The following ZNF20 variants were observed in gnomAD, a reference collection of about 807,000 sequenced individuals.
ZNF20 encodes zinc finger protein 20.
In ZNF20, 9 loss-of-function variants were observed where a neutral mutation model predicts 11.0. The observed-to-expected ratio is 0.82, with a 90% CI of 0.49 to 1.43. The LOEUF is 1.43. Among genes scored for constraint, ZNF20 ranks in the 40% most tolerant of loss-of-function variants. ZNF20 has a pLI of 0.00. For synonymous variants in ZNF20, 182 were observed against 213.0 expected (o/e 0.85, Z 1.27); for missense variants, 528 against 640.8 (o/e 0.82, Z 1.90).
Position 12,135,822 on chromosome 19 carries a change from T to C in ZNF20, c.86A>G (p.Lys29Arg), listed in dbSNP as rs1248566055. The change falls in exon 2 of 4, where the codon AAG becomes AGG. Residue 29 changes from lysine (K) to arginine (R), a missense_variant. Transcript: ENST00000334213. The stretch of plus-strand genomic sequence containing the variant: ...CTGCATCACATCCCTGTAGAGATTC[T>C]TCTGGGAAGGATCCAGCAAAGCCCA... ...EEWALLDPSQKNLYRDVMQET... is the reference protein window; with the variant it reads ...EEWALLDPSQRNLYRDVMQET... 1.2e-6 allele frequency: 2 copies of C among 1,614,158 alleles called. No homozygotes were observed. The highest frequency in any genetic ancestry group is 1.7e-5 in the Admixed American group (1 of 60,006).
rs1455302096 is a variant in ZNF20, at chr19:12,133,172, G to A, written c.1014C>T (p.Pro338=). ...KHGRTHTGEK[P]YECRQCGKAF... is the part of the protein sequence containing the mutation. ...CTTTACCACATTGCCTACATTCATA[G>A]GGTTTCTCTCCAGTGTGAGTCCTTC... The change falls in exon 4 of 4, where the codon CCC becomes CCT. Residue 338 remains proline, a synonymous_variant. Coordinates refer to ENST00000334213, the MANE Select transcript of ZNF20 (RefSeq NM_021143.4). 6.2e-7 allele frequency: 1 copy of A among 1,613,660 alleles called. No individual in the cohort carries two copies. Among genetic ancestry groups the A allele is most frequent in the Non-Finnish European group, 8.5e-7 (1 of 1,179,712 alleles).
rs1405429807 is a variant in ZNF20 at position 12,135,548 on chromosome 19, T to C, written c.152A>G (p.Lys51Arg). Residue 51 changes from lysine (K) to arginine (R), a missense_variant, in exon 3 of 4, where the codon AAA (lysine) becomes AGA (arginine). Physicochemically the swap from Lys to Arg is conservative, Grantham distance 26. Coordinates refer to ENST00000334213, the MANE Select transcript of ZNF20 (RefSeq NM_021143.4). ...GTACTCATCTTCAATGTTCTGAACT[T>C]TCCATGTTTTTCCTAAAACACAGAC... Reference protein sequence around the residue: ...KNLTSVGKTWKVQNIEDEYKN... With the variant: ...KNLTSVGKTWRVQNIEDEYKN... 1.1e-5 allele frequency: 18 copies of C among 1,612,974 alleles called. No homozygotes were observed. Among genetic ancestry groups the C allele is most frequent in the Non-Finnish European group, 1.5e-5 (18 of 1,179,710 alleles).
chr19:12,132,350 A>G lies in ZNF20; in HGVS notation c.*237T>C. 2.1e-6 allele frequency: 1 copy of G among 486,386 alleles called. No individual in the cohort carries two copies. 30.1% of individuals were successfully genotyped at this position (486,386 alleles called of 1,614,324 possible). A position where few individuals can be genotyped will look rare whatever the true frequency, so the allele number is the denominator to read the frequency against. ...CCTCTCTCCCTGTGTGGGGCCTCTA[A>G]TATGTGACTGATGCCTTCCTTTTCT... On this transcript the variant is annotated 3_prime_UTR_variant, in exon 4 of 4. Coordinates refer to ENST00000334213, the MANE Select transcript of ZNF20 (RefSeq NM_021143.4).
rs1257273591 is a variant in ZNF20 at position 12,131,528 on chromosome 19, T to C, written c.*1059A>G. 1 of 152,160 alleles carries C rather than the reference T, an allele frequency of 6.6e-6. No homozygotes were observed. Among genetic ancestry groups the C allele is most frequent in the Non-Finnish European group, 1.5e-5 (1 of 68,024 alleles). The allele number at this position is 152,160 out of a possible 1,614,324, so 9.4% of individuals were successfully genotyped here. A position where few individuals can be genotyped will look rare whatever the true frequency, so the allele number is the denominator to read the frequency against. On this transcript the variant is annotated 3_prime_UTR_variant, in exon 4 of 4. Transcript: ENST00000334213. ...TAAGAACATGAGATCACCTTTGGTA[T>C]TTAGAATAGATGAAAATTCATGATC...
In ZNF20 at chr19:12,133,588, T is replaced by C; in HGVS notation, c.598A>G (p.Lys200Glu). The C allele has an allele frequency of 1.2e-6, 2 of 1,614,168 alleles. No individual in the cohort carries two copies. The highest frequency in any genetic ancestry group is 1.7e-6 in the Non-Finnish European group (2 of 1,180,030). ...RVMHSGDGPYKCKFCGKAFYF... is the reference protein window; with the variant it reads ...RVMHSGDGPYECKFCGKAFYF... ...AAGGCTTTCCCACAAAACTTACATT[T>C]ATAAGGTCCATCTCCACTGTGCATT... is the stretch of plus-strand genomic sequence containing the variant. The change falls in exon 4 of 4, where the codon AAA (lysine) becomes GAA (glutamate). Residue 200 changes from lysine to glutamate, a missense_variant. Coordinates refer to ENST00000334213, the MANE Select transcript of ZNF20 (RefSeq NM_021143.4).
In ZNF20 at chr19:12,140,317, G is replaced by C; in HGVS notation, c.-135C>G. 1 of 1,128,240 alleles carries C rather than the reference G, an allele frequency of 8.9e-7. No homozygotes were observed. Among genetic ancestry groups the C allele is most frequent in the South Asian group, 1.3e-5 (1 of 75,678 alleles). The allele number at this position is 1,128,240 out of a possible 1,614,324, so 69.9% of individuals were successfully genotyped here. A position where few individuals can be genotyped will look rare whatever the true frequency, so the allele number is the denominator to read the frequency against. ...CTCGGAGTAGGAAATCTGGTATCCC[G>C]ACAACAACCTGCATAGCAACAAAAG... On this transcript the variant is annotated 5_prime_UTR_variant, in exon 1 of 4. Coordinates refer to ENST00000334213, the MANE Select transcript of ZNF20 (RefSeq NM_021143.4).
Position 12,132,903 on chromosome 19 carries a change from C to T in ZNF20, c.1283G>A (p.Cys428Tyr). Residue 428 changes from cysteine (C) to tyrosine (Y), a missense_variant, in exon 4 of 4, where the codon TGT (cysteine) becomes TAT (tyrosine). By Grantham distance (194) the Cys-to-Tyr change is radical. Transcript: ENST00000334213. ...TGEKPHECKQ[C>Y]GKAFRYFSSL... is the part of the protein sequence containing the mutation. ...AGAGAAATACCTGAATGCTTTTCCA[C>T]ATTGCTTACATTCATGGGGCTTCTC... The T allele has an allele frequency of 6.2e-7, 1 of 1,614,176 alleles. No homozygotes were observed. The highest frequency in any genetic ancestry group is 8.5e-7 in the Non-Finnish European group (1 of 1,180,018).
rs1367717034 is a variant in ZNF20, at chr19:12,133,449, T to C, written c.737A>G (p.Glu246Gly). Residue 246 changes from glutamate (E) to glycine (G), a missense_variant, in exon 4 of 4, where the codon GAA (glutamate) becomes GGA (glycine). Coordinates refer to ENST00000334213, the MANE Select transcript of ZNF20 (RefSeq NM_021143.4). ...FTRSTTLPVH[E>G]RTHTGVNADE... ...GGCATTCACTCCTGTGTGAGTTCTT[T>C]CATGTACTGGAAGGGTAGTGGAACG... 1.2e-6 allele frequency: 2 copies of C among 1,613,992 alleles called. No individual in the cohort carries two copies. The highest frequency in any genetic ancestry group is 1.3e-5 in the African/African-American group (1 of 74,944).
At chr19:12,138,600 T>G (rs1976750029) in intron 1 of ZNF20, among the ~76,000 whole-genome samples, 1 of 152,158 alleles carries the variant, frequency 6.6e-6, no homozygotes, top group Non-Finnish European at 1.5e-5. Flanking sequence ...AACACAAATA[T>G]TTTAAAAAAA....
chr19:12,133,125 A>T lies in ZNF20; in HGVS notation c.1061T>A (p.Leu354His), dbSNP rs778738258. The change falls in exon 4 of 4, where the codon CTT becomes CAT. Residue 354 changes from leucine to histidine, a missense_variant. Coordinates refer to ENST00000334213, the MANE Select transcript of ZNF20 (RefSeq NM_021143.4). ...AGTGTGTGTCTTTTCATGCCTTTGA[A>T]GGTCCGAGGTACATCTGAAGGCTTT... ...CGKAFRCTSD[L>H]QRHEKTHTED... 37 of 1,613,532 alleles carry T rather than the reference A, an allele frequency of 2.3e-5. No homozygotes were observed. The highest frequency in any genetic ancestry group is 2.0e-4 in the African/African-American group (15 of 74,716).
chr19:12,135,650 G>A, intron 2 of ZNF20, 90 bp from the exon 3 acceptor site: 1 of 1,583,932 alleles, frequency 6.3e-7, no homozygotes, highest in Non-Finnish European at 8.6e-7. Context: ...GTACATGGTA[G>A]CCATGCCTGA....
At position 12,133,396 on chromosome 19, in the gene ZNF20, A is replaced by G. The variant is rs1306573031; in HGVS notation, c.790T>C (p.Phe264Leu). The change falls in exon 4 of 4, where the codon TTC becomes CTC. Residue 264 changes from phenylalanine (F) to leucine (L), a missense_variant. Coordinates refer to ENST00000334213, the MANE Select transcript of ZNF20 (RefSeq NM_021143.4). ...ADECKECGNA[F>L]SFPSEIRRHK... ...CTACGAATTTCACTAGGAAAACTGA[A>G]TGCATTCCCACATTCTTTACATTCA... is the stretch of plus-strand genomic sequence containing the variant. 3 of 1,614,182 alleles carry G rather than the reference A, an allele frequency of 1.9e-6. No individual in the cohort carries two copies. The highest frequency in any genetic ancestry group is 2.5e-6 in the Non-Finnish European group (3 of 1,179,998).
chr19:12,136,062 C>G (rs1976706133), intron 1 of ZNF20, 158 bp from the exon 2 acceptor site: 1 of 981,084 alleles, frequency 1.0e-6, no homozygotes, highest in Non-Finnish European at 1.4e-6. Flanking sequence ...CTCCCACAAA[C>G]CAACCCTTTT....
rs1169626683 is a variant in ZNF20, at chr19:12,139,462, C to G, written c.3+718G>C. Among the ~76,000 whole-genome samples the G allele has an allele frequency of 2.0e-5, 3 of 152,172 alleles. No homozygotes were observed. The highest frequency in any genetic ancestry group is 4.4e-5 in the Non-Finnish European group (3 of 68,030). ...AAAATGCAATTCTTCTTAAAACTTT[C>G]TGGTACCAAAACCACAAATCATGAC... is the stretch of plus-strand genomic sequence containing the variant. On this transcript the variant is annotated intron_variant, in intron 1 of 3. Transcript: ENST00000334213. This position sits in a 1 kb window ranked among gnomAD's most constrained non-coding sequence, Gnocchi z 4.0.
Position 12,133,440 on chromosome 19 carries a change from T to A in ZNF20, c.746A>T (p.His249Leu). The A allele has an allele frequency of 6.2e-7, 1 of 1,614,096 alleles. No individual in the cohort carries two copies. The highest frequency in any genetic ancestry group is 8.5e-7 in the Non-Finnish European group (1 of 1,179,948). ...STTLPVHERT[H>L]TGVNADECKE... ...ACATTCATCGGCATTCACTCCTGTGTGAGTTCTTTCATGTACTGGAAGGGT... is the reference window on the plus strand; with the variant it reads ...ACATTCATCGGCATTCACTCCTGTGAGAGTTCTTTCATGTACTGGAAGGGT... Residue 249 changes from histidine to leucine, a missense_variant, in exon 4 of 4, where the codon CAC (histidine) becomes CTC (leucine). His to Leu is a moderately conservative substitution (Grantham distance 99). Transcript: ENST00000334213.
In ZNF20 at chr19:12,139,352, A is replaced by T. The variant is rs1274548132; in HGVS notation, c.3+828T>A. ...CCGCTTGCACACTGTGGAGTGTTAAATCCCTTCATTCCTTCCTTGCTTTGT... is the reference window on the plus strand; with the variant it reads ...CCGCTTGCACACTGTGGAGTGTTAATTCCCTTCATTCCTTCCTTGCTTTGT... On this transcript the variant is annotated intron_variant, in intron 1 of 3. Transcript: ENST00000334213. The surrounding 1 kb of genome is among the most constrained non-coding windows in gnomAD (Gnocchi z 4.0). Among the ~76,000 whole-genome samples the T allele has an allele frequency of 1.3e-5, 2 of 152,168 alleles. No individual in the cohort carries two copies. The highest frequency in any genetic ancestry group is 2.9e-5 in the Non-Finnish European group (2 of 68,024).
Position 12,132,491 on chromosome 19 carries a change from G to T in ZNF20, c.*96C>A. The T allele has an allele frequency of 7.8e-7, 1 of 1,279,446 alleles. No individual in the cohort carries two copies. Among genetic ancestry groups the T allele is most frequent in the Non-Finnish European group, 1.1e-6 (1 of 928,620 alleles). 79.3% of individuals were successfully genotyped at this position (1,279,446 alleles called of 1,614,324 possible). ...GTCTCTCTTCTCAATTCAAAAAGCA[G>T]TTATCCAGAGGTTCTTTCACCACTC... On this transcript the variant is annotated 3_prime_UTR_variant, in exon 4 of 4. Transcript: ENST00000334213.
intron 1 of ZNF20, among the ~76,000 whole-genome samples, chr19:12,138,029 T>A (rs1299890550): frequency 1.3e-5 from 2 of 152,188 alleles, no homozygotes; most frequent in Non-Finnish European, 2.9e-5. Flanking sequence ...ACACAGGGGC[T>A]GATATTCAGT....
chr19:12,135,382 C>T, intron 3 of ZNF20, 118 bp downstream of exon 3: 1 of 995,486 alleles, frequency 1.0e-6, no homozygotes. Context: ...CCTTGGGATT[C>T]ACCCACCTCG....
Sources: allele counts gnomAD v4.1 joint callset (sites outside exome capture counted in the v4.1 genomes callset), GRCh38; gene constraint gnomAD v4.1.1; non-coding constraint Gnocchi (gnomAD v3.1); transcripts MANE v1.5; gene names NCBI Gene and HGNC (gene_info 2026-07-23, HGNC 2026-07-21).